The following PCNX2 variants were observed in gnomAD, a reference collection of about 807,000 sequenced individuals.
The protein encoded by PCNX2 is pecanex 2.
In PCNX2, 168 loss-of-function variants were observed where a neutral mutation model predicts 223.8. That is an observed-to-expected ratio of 0.75 (90% CI 0.66 to 0.85). The LOEUF is 0.85. Among genes scored for constraint, PCNX2 ranks in the 40% least tolerant of loss-of-function variants. PCNX2 has a pLI of 0.00. For missense variants in PCNX2, 2,507 were observed against 2,675.5 expected (o/e 0.94, Z 1.39); for synonymous variants, 1,006 against 1,052.6 (o/e 0.96, Z 0.86).
At position 233,263,131 on chromosome 1, in the gene PCNX2, G is replaced by C; in HGVS notation, c.186C>G (p.Phe62Leu). 2 of 1,611,570 alleles carry C rather than the reference G, an allele frequency of 1.2e-6. No homozygotes were observed. Among genetic ancestry groups the C allele is most frequent in the Non-Finnish European group, 1.7e-6 (2 of 1,178,564 alleles). ...AGAATATAGTCACTGCACTGCAGTA[G>C]AAAAATACAATGATCGCATTTGGAG... is the stretch of plus-strand genomic sequence containing the variant. ...AFPPNAIIVF[F>L]YCSAVTIFFT... Residue 62 changes from phenylalanine to leucine, a missense_variant, in exon 2 of 34, where the codon TTC becomes TTG. By Grantham distance (22) the Phe-to-Leu change is conservative. Transcript: ENST00000258229.
At chr1:233,271,376 T>C (rs1408046953) in intron 1 of PCNX2, among the ~76,000 whole-genome samples, 2 of 152,210 alleles carry the variant, frequency 1.3e-5, no homozygotes, top group African/African-American at 4.8e-5. Context: ...ATTTTGGAAA[T>C]AGTTTTGGCT....
chr1:233,128,748 T>C (rs1211142137), intron 21 of PCNX2, among the ~76,000 whole-genome samples: 2 of 152,226 alleles, frequency 1.3e-5, no homozygotes, highest in Admixed American at 1.3e-4. Flanking sequence ...CTCATCTGCA[T>C]GTTTTACTGT....
intron 21 of PCNX2, among the ~76,000 whole-genome samples, chr1:233,108,802 A>G (rs1674952039): frequency 6.6e-6 from 1 of 152,192 alleles, no homozygotes; most frequent in South Asian, 2.1e-4. Context: ...GCCCAGGATT[A>G]CAGACAGGGG....
chr1:233,161,108 A>G (rs771056478), intron 18 of PCNX2, among the ~76,000 whole-genome samples, 163 bp downstream of exon 18: 4 of 152,220 alleles, frequency 2.6e-5, no homozygotes, highest in African/African-American at 9.7e-5. Context: ...CATCTTGGAC[A>G]TAACTGTTCA....
At position 232,984,191 on chromosome 1, in the gene PCNX2, A is replaced by C; in HGVS notation, c.*113T>G. On this transcript the variant is annotated 3_prime_UTR_variant, in exon 34 of 34. Transcript: ENST00000258229. Reference sequence around the variant, plus strand: ...AACAGCTCTCCTTTTCCACAGGAGGAGTCCCTCATGGATCGCGGTATTGGT... The same window carrying C: ...AACAGCTCTCCTTTTCCACAGGAGGCGTCCCTCATGGATCGCGGTATTGGT... 1 of 769,170 alleles carries C rather than the reference A, an allele frequency of 1.3e-6. No individual in the cohort carries two copies. The highest frequency in any genetic ancestry group is 5.3e-4 in the Middle Eastern group (1 of 1,876). The allele number at this position is 769,170 out of a possible 1,614,324, so 47.6% of individuals were successfully genotyped here.
At chr1:233,199,154 A>G (rs1680911615) in intron 14 of PCNX2, 124 bp from the exon 15 acceptor site, 1 of 819,680 alleles carries the variant, frequency 1.2e-6, no homozygotes, top group African/African-American at 1.7e-5. Context: ...TAAATAATAC[A>G]TCTATGGGAT....
intron 13 of PCNX2, among the ~76,000 whole-genome samples, chr1:233,203,236 T>C (rs956566991): frequency 2.0e-5 from 3 of 152,172 alleles, no homozygotes; most frequent in African/African-American, 7.2e-5. Flanking sequence ...CTGCTCCTTT[T>C]GAAATATGGT....
At chr1:233,028,656 T>C (rs933864911) in intron 25 of PCNX2, among the ~76,000 whole-genome samples, 1 of 152,214 alleles carries the variant, frequency 6.6e-6, no homozygotes, top group African/African-American at 2.4e-5. Flanking sequence ...AGTTAAAACA[T>C]CTCTTGTAAA....
intron 1 of PCNX2, among the ~76,000 whole-genome samples, chr1:233,279,028 G>A (rs1179136291): frequency 6.6e-6 from 1 of 151,972 alleles, no homozygotes; most frequent in East Asian, 1.9e-4. Flanking sequence ...TTCTTGCCCA[G>A]ACCTGGAATA....
chr1:233,198,996 C>A lies in PCNX2; in HGVS notation c.3009G>T (p.Val1003=). The change falls in exon 15 of 34, where the codon GTG becomes GTT. Residue 1003 remains valine, a synonymous_variant. Transcript: ENST00000258229. ...VSGITSAVYS[V]ARSVLAAALL... ...GGGCGGCAGCCAAGACGCTCCGGGCCACACTGTAAACAGCCGAGGTTATCC... is the reference window on the plus strand; with the variant it reads ...GGGCGGCAGCCAAGACGCTCCGGGCAACACTGTAAACAGCCGAGGTTATCC... 1 of 1,605,008 alleles carries A rather than the reference C, an allele frequency of 6.2e-7. No homozygotes were observed. Among genetic ancestry groups the A allele is most frequent in the Non-Finnish European group, 8.5e-7 (1 of 1,176,184 alleles).
chr1:233,221,382 A>G (rs1434802667), intron 10 of PCNX2, among the ~76,000 whole-genome samples: 2 of 152,102 alleles, frequency 1.3e-5, no homozygotes, highest in Non-Finnish European at 2.9e-5. Flanking sequence ...TAAAATTTCA[A>G]AGAAAAAAAA....
intron 5 of PCNX2, among the ~76,000 whole-genome samples, chr1:233,254,136 A>G (rs1659602163): frequency 6.6e-6 from 1 of 152,228 alleles, no homozygotes; most frequent in African/African-American, 2.4e-5. Context: ...AAAGTTATTC[A>G]TCCTTAAACT....
chr1:233,059,901 T>C (rs773441050), intron 23 of PCNX2, among the ~76,000 whole-genome samples: 1 of 152,232 alleles, frequency 6.6e-6, no homozygotes, highest in Non-Finnish European at 1.5e-5. Context: ...AACTTGTCTT[T>C]TGGGAATAAA....
Position 233,262,035 on chromosome 1 carries a change from G to C in PCNX2, c.480+10C>G. The stretch of plus-strand genomic sequence containing the variant: ...ATGAAGAGGGTGAAACAGGAAAGAA[G>C]ACCACTAACCAATGGCCCAGAAGAG... On this transcript the variant is annotated intron_variant, in intron 3 of 33. Transcript: ENST00000258229. The C allele has an allele frequency of 6.2e-7, 1 of 1,613,486 alleles. No homozygotes were observed.
chr1:233,057,310 G>A lies in PCNX2; in HGVS notation c.4077-20C>T. The A allele has an allele frequency of 6.3e-7, 1 of 1,591,592 alleles. No homozygotes were observed. Among genetic ancestry groups the A allele is most frequent in the Non-Finnish European group, 8.6e-7 (1 of 1,162,796 alleles). ...CTTGTACTAGAAGAGGCCACAAAAG[G>A]GTAAAAGGTCATGATTAGATCCCCC... On this transcript the variant is annotated intron_variant, in intron 23 of 33. Coordinates refer to ENST00000258229, the MANE Select transcript of PCNX2 (RefSeq NM_014801.4).
intron 21 of PCNX2, among the ~76,000 whole-genome samples, chr1:233,107,560 A>ACCAAATTTAT (rs985457687): frequency 1.3e-5 from 2 of 152,210 alleles, no homozygotes; most frequent in Non-Finnish European, 2.9e-5. Flanking sequence ...CCTCTAATAT[A>ACCAAATTTAT]CCAAATTTAT....
At chr1:233,321,012 T>TC in the PCNX2 span, among the ~76,000 whole-genome samples, 6 of 135,272 alleles carry the variant, frequency 4.4e-5, no homozygotes, top group African/African-American at 1.7e-4. Flanking sequence ...GAAAATGTCT[T>TC]CTTTTTTTTT....
chr1:233,291,656 A>T, intron 1 of PCNX2: 5 of 954,160 alleles, frequency 5.2e-6, no homozygotes, highest in Non-Finnish European at 6.2e-6. Context: ...GTGTCTTTTG[A>T]CATGAGGCTA....
At chr1:233,100,147 T>A (rs1054891920) in intron 21 of PCNX2, among the ~76,000 whole-genome samples, 2 of 152,100 alleles carry the variant, frequency 1.3e-5, no homozygotes, top group Non-Finnish European at 2.9e-5. Context: ...GCGCGGGGGC[T>A]CACGCCTGTA....
Sources: gnomAD v4.1 joint callset for allele counts (sites outside exome capture counted in the v4.1 genomes callset) on GRCh38, gnomAD v4.1.1 for gene constraint, MANE v1.5 for transcripts, NCBI Gene and HGNC (gene_info 2026-07-23, HGNC 2026-07-21) for gene names.